Variants in SPOCK1 observed in about 807,000 individuals in gnomAD.
The protein encoded by SPOCK1 is testican-1.
SPOCK1 carries 23 observed loss-of-function variants against 55.3 expected under a neutral mutation model. That is an observed-to-expected ratio of 0.42 (90% CI 0.30 to 0.59). The LOEUF (loss-of-function observed/expected upper bound fraction) is 0.59, where lower values mean the gene tolerates loss of function less well. Ranked by LOEUF, SPOCK1 falls within the 20% of genes least tolerant of loss-of-function variation. The probability of loss-of-function intolerance (pLI) is 0.22; values close to 1 mark genes in which losing one functional copy is unlikely to be tolerated. For synonymous variants in SPOCK1, 226 were observed against 221.0 expected (o/e 1.02, Z -0.20); for missense variants, 499 against 552.5 (o/e 0.90, Z 0.97).
chr5:137,230,923 T>C (rs1368033158), intron 3 of SPOCK1, among the ~76,000 whole-genome samples: 1 of 133,404 alleles, frequency 7.5e-6, no homozygotes, highest in East Asian at 2.2e-4. Context: ...TTTGCACTAT[T>C]TGTGTATGTG....
intron 2 of SPOCK1, among the ~76,000 whole-genome samples, chr5:137,359,058 C>T (rs978146053): frequency 2.0e-5 from 3 of 152,152 alleles, no homozygotes; most frequent in Admixed American, 2.0e-4. Context: ...CTAAATAAAT[C>T]GAGCCCACTG....
rs531174460 is a variant in SPOCK1 at position 137,260,213 on chromosome 5, C to T, written c.232+6797G>A. Among the ~76,000 whole-genome samples, 32 of 152,230 alleles carry T rather than the reference C, an allele frequency of 2.1e-4. 1 individual carries two copies. The East Asian group carries it at 2.7e-3, about 13-fold the overall frequency. On this transcript the variant is annotated intron_variant, in intron 3 of 10. Transcript: ENST00000394945. ...CACCTCAGCCCTCCTCCTGGCATCC[C>T]GCACTCTTCAGGCCAAGCAGTTTAC... is the stretch of plus-strand genomic sequence containing the variant.
At chr5:137,160,551 T>TATATATA (rs1261795112) in intron 3 of SPOCK1, among the ~76,000 whole-genome samples, 1,520 of 27,720 alleles carry the variant, frequency 0.055, 41 homozygotes, top group Non-Finnish European at 0.074. Context: ...ATATATATAA[T>TATATATA]ATATATTATA....
At chr5:137,483,255 C>A (rs1457029913) in intron 2 of SPOCK1, among the ~76,000 whole-genome samples, 1 of 152,184 alleles carries the variant, frequency 6.6e-6, no homozygotes, top group Non-Finnish European at 1.5e-5. Flanking sequence ...ATCACTTGAA[C>A]CTGGAAGGCG....
At chr5:137,133,707 G>A (rs1358584712) in intron 4 of SPOCK1, among the ~76,000 whole-genome samples, 1 of 152,198 alleles carries the variant, frequency 6.6e-6, no homozygotes, top group Non-Finnish European at 1.5e-5. Context: ...AAAAAAAAGA[G>A]AGAGGCGATT....
chr5:137,155,885 G>T (rs1429391476), intron 3 of SPOCK1, among the ~76,000 whole-genome samples: 3 of 152,214 alleles, frequency 2.0e-5, no homozygotes, highest in African/African-American at 7.2e-5. Flanking sequence ...GACCCACTGG[G>T]CGGCCTTGCT....
chr5:137,435,799 AG>A (rs1209512279), intron 2 of SPOCK1, among the ~76,000 whole-genome samples: 1 of 132,288 alleles, frequency 7.6e-6, no homozygotes. Flanking sequence ...TGTTTTTCTT[AG>A]ATTTTTTTTT....
At chr5:137,309,725 C>T (rs1337110806) in intron 2 of SPOCK1, among the ~76,000 whole-genome samples, 2 of 152,022 alleles carry the variant, frequency 1.3e-5, no homozygotes, top group African/African-American at 2.4e-5. Context: ...TACTTATCTT[C>T]GCTGAGCTCT....
intron 7 of SPOCK1, among the ~76,000 whole-genome samples, chr5:136,989,594 T>TATCA (rs577803035): frequency 3.3e-5 from 5 of 152,344 alleles, no homozygotes; most frequent in South Asian, 2.1e-4. Flanking sequence ...AATGGTGCTA[T>TATCA]ATCATTCCCA....
chr5:137,390,274 C>T (rs1356518212), intron 2 of SPOCK1, among the ~76,000 whole-genome samples: 1 of 152,072 alleles, frequency 6.6e-6, no homozygotes, highest in Admixed American at 6.5e-5. Context: ...GCCTGGAAGC[C>T]GTATGTATCT....
At chr5:137,173,374 T>C (rs757574534) in intron 3 of SPOCK1, among the ~76,000 whole-genome samples, 3 of 152,166 alleles carry the variant, frequency 2.0e-5, no homozygotes, top group Non-Finnish European at 4.4e-5. Context: ...GTCATCGTAA[T>C]AAATCAACTT....
chr5:137,152,908 C>A (rs1309819580), intron 3 of SPOCK1, among the ~76,000 whole-genome samples: 2 of 152,208 alleles, frequency 1.3e-5, no homozygotes, highest in African/African-American at 2.4e-5. Context: ...CCCTGTGAGG[C>A]CAAAAGAAAG....
chr5:137,197,177 C>T (rs1755318034), intron 3 of SPOCK1, among the ~76,000 whole-genome samples: 1 of 152,282 alleles, frequency 6.6e-6, no homozygotes, highest in Admixed American at 6.5e-5. Flanking sequence ...TTCATACAAC[C>T]AAAACCTGCT....
At chr5:137,283,622 G>A (rs1214592159) in intron 2 of SPOCK1, among the ~76,000 whole-genome samples, 2 of 152,140 alleles carry the variant, frequency 1.3e-5, no homozygotes. Context: ...GGATGAGACA[G>A]GAGAATCACT....
At chr5:137,148,509 C>T (rs1312604249) in intron 3 of SPOCK1, among the ~76,000 whole-genome samples, 1 of 152,092 alleles carries the variant, frequency 6.6e-6, no homozygotes, top group Non-Finnish European at 1.5e-5. Context: ...GACCCTCACT[C>T]AGCATTTCCA....
chr5:137,363,745 A>C (rs1292347313), intron 2 of SPOCK1, among the ~76,000 whole-genome samples: 1 of 152,234 alleles, frequency 6.6e-6, no homozygotes. Flanking sequence ...AGACTTTTTG[A>C]AATAACTTCA....
chr5:137,469,867 T>C (rs1196613550), intron 2 of SPOCK1, among the ~76,000 whole-genome samples: 2 of 152,176 alleles, frequency 1.3e-5, no homozygotes, highest in Non-Finnish European at 2.9e-5. Context: ...GTGGAAGCTG[T>C]GGACACTACT....
intron 4 of SPOCK1, among the ~76,000 whole-genome samples, chr5:137,130,764 C>T (rs962017555): frequency 2.0e-4 from 30 of 152,172 alleles, no homozygotes; most frequent in Non-Finnish European, 1.6e-4. Flanking sequence ...CAGCTGTGGA[C>T]GCATCATGGA....
At chr5:137,265,521 A>G (rs1225135861) in intron 3 of SPOCK1, among the ~76,000 whole-genome samples, 1 of 152,242 alleles carries the variant, frequency 6.6e-6, no homozygotes, top group Non-Finnish European at 1.5e-5. Flanking sequence ...CTTCATAGAT[A>G]AAGTTTTATC....
Sources: allele counts gnomAD v4.1 joint callset (sites outside exome capture counted in the v4.1 genomes callset), GRCh38; gene constraint gnomAD v4.1.1; transcripts MANE v1.5; gene names NCBI Gene and HGNC (gene_info 2026-07-23, HGNC 2026-07-21).